PSME3IP1: variants seen among roughly 807,000 people sequenced by gnomAD.
The protein encoded by PSME3IP1 is PSME3-interacting protein.
PSME3IP1 carries 13 observed loss-of-function variants against 34.1 expected under a neutral mutation model. That is an observed-to-expected ratio of 0.38 (90% CI 0.25 to 0.61). PSME3IP1 has a LOEUF of 0.61. Ranked by LOEUF, PSME3IP1 falls within the 20% of genes least tolerant of loss-of-function variation. The probability of loss-of-function intolerance (pLI) is 0.60; values close to 1 mark genes in which losing one functional copy is unlikely to be tolerated. For missense variants in PSME3IP1, 237 were observed against 301.4 expected, an observed-to-expected ratio of 0.79 and a Z score of 1.58; for synonymous variants, 93 against 114.3, an observed-to-expected ratio of 0.81 and a Z score of 1.19.
In PSME3IP1 at chr16:57,185,939, G is replaced by GAGGA. The variant is rs1404433190; in HGVS notation, c.-138_-135dup. On this transcript the variant is annotated 5_prime_UTR_variant, in exon 1 of 7. Coordinates refer to ENST00000309137, the MANE Select transcript of PSME3IP1 (RefSeq NM_024946.4). The stretch of plus-strand genomic sequence containing the variant: ...AATGAAAGGAAGAAAGAAAGAAACA[G>GAGGA]AGGAAGGAATGAATGAAAGAAAGAA... 1.8e-5 allele frequency: 18 copies of GAGGA among 983,546 alleles called. No individual in the cohort carries two copies. Among genetic ancestry groups the GAGGA allele is most frequent in the African/African-American group, 3.5e-5 (2 of 56,844 alleles). The allele number at this position is 983,546 out of a possible 1,614,324, so 60.9% of individuals were successfully genotyped here. A position where few individuals can be genotyped will look rare whatever the true frequency, so the allele number is the denominator to read the frequency against.
chr16:57,169,524 A>G (rs1264916186), intron 4 of PSME3IP1, among the ~76,000 whole-genome samples: 2 of 152,154 alleles, frequency 1.3e-5, no homozygotes, highest in Non-Finnish European at 2.9e-5. Flanking sequence ...CAGTTTTTCT[A>G]GACAGAACTT....
At chr16:57,165,062 G>T (rs1478295204) in intron 5 of PSME3IP1, among the ~76,000 whole-genome samples, 1 of 148,252 alleles carries the variant, frequency 6.7e-6, no homozygotes, top group Non-Finnish European at 1.5e-5. Context: ...AAAAGAAAAA[G>T]AAAAGAGAAT....
intron 4 of PSME3IP1, among the ~76,000 whole-genome samples, chr16:57,168,986 T>C (rs1419967778): frequency 6.6e-6 from 1 of 151,804 alleles, no homozygotes; most frequent in Non-Finnish European, 1.5e-5. Flanking sequence ...AAAGCATGTA[T>C]ATATTTATAC....
At chr16:57,163,861 A>T in intron 6 of PSME3IP1, 140 bp downstream of exon 6, 1 of 831,834 alleles carries the variant, frequency 1.2e-6, no homozygotes, top group East Asian at 2.5e-5. Context: ...TGCCTGGCAT[A>T]AAAAAGTTGG....
intron 1 of PSME3IP1, among the ~76,000 whole-genome samples, chr16:57,176,288 T>C (rs2073164858): frequency 6.6e-6 from 1 of 152,238 alleles, no homozygotes; most frequent in Admixed American, 6.5e-5. Context: ...CCGTGTCTCC[T>C]TTCTCATCCT....
At chr16:57,156,999 C>T (rs771935588) in intron 6 of PSME3IP1, among the ~76,000 whole-genome samples, 36 of 152,182 alleles carry the variant, frequency 2.4e-4, no homozygotes, top group Non-Finnish European at 3.5e-4. Context: ...TAATGGACTA[C>T]TATTCAACCA....
chr16:57,172,180 G>T, intron 4 of PSME3IP1, 71 bp downstream of exon 4: 11 of 1,538,862 alleles, frequency 7.1e-6, no homozygotes, highest in Non-Finnish European at 8.9e-6. Flanking sequence ...CTGTTGATGA[G>T]GAGACAACAT....
At chr16:57,183,959 G>A (rs1243714502) in intron 1 of PSME3IP1, among the ~76,000 whole-genome samples, 2 of 152,238 alleles carry the variant, frequency 1.3e-5, no homozygotes, top group East Asian at 1.9e-4. Context: ...CCCCCAAAGG[G>A]AATTCAGACA....
intron 1 of PSME3IP1, 163 bp downstream of exon 1, chr16:57,185,658 C>A: frequency 1.0e-6 from 1 of 985,578 alleles, no homozygotes; most frequent in South Asian, 4.7e-5. Context: ...TCCCCTCAGG[C>A]TGGGCCCGCA....
At position 57,154,295 on chromosome 16, in the gene PSME3IP1, G is replaced by C. The variant is rs755824856; in HGVS notation, c.760C>G (p.Pro254Ala). Residue 254 changes from proline to alanine, a missense_variant, in exon 7 of 7, where the codon CCC becomes GCC. By Grantham distance (27) the Pro-to-Ala change is conservative. Coordinates refer to ENST00000309137, the MANE Select transcript of PSME3IP1 (RefSeq NM_024946.4). The surrounding 1 kb of genome is among the most constrained non-coding windows in gnomAD (Gnocchi z 4.0). ...IFRTNTFLEA[P>A] The stretch of plus-strand genomic sequence containing the variant: ...CCTGTGTAGGGACGGAGAAACTAGG[G>C]GGCCTCGAGGAAGGTGTTGGTTCGG... The C allele has an allele frequency of 6.2e-7, 1 of 1,613,868 alleles. No individual in the cohort carries two copies. Among genetic ancestry groups the C allele is most frequent in the Non-Finnish European group, 8.5e-7 (1 of 1,179,972 alleles).
chr16:57,182,446 C>CAA (rs11379337), intron 1 of PSME3IP1, among the ~76,000 whole-genome samples: 7 of 132,070 alleles, frequency 5.3e-5, no homozygotes, highest in East Asian at 2.3e-4. Flanking sequence ...CAAAATAAAA[C>CAA]AAAAAAACGC....
In PSME3IP1 at chr16:57,154,724, G is replaced by T. The variant is rs1304331720; in HGVS notation, c.548-217C>A. Reference sequence around the variant, plus strand: ...GTGAAAGGACTTCTGAAAGTAAAGGGGCAGAGCTGAGACTTGAATCAAGGT... The same window carrying T: ...GTGAAAGGACTTCTGAAAGTAAAGGTGCAGAGCTGAGACTTGAATCAAGGT... On this transcript the variant is annotated intron_variant, in intron 6 of 6. Coordinates refer to ENST00000309137, the MANE Select transcript of PSME3IP1 (RefSeq NM_024946.4). The surrounding 1 kb of genome is among the most constrained non-coding windows in gnomAD (Gnocchi z 4.0). Among the ~76,000 whole-genome samples the T allele has an allele frequency of 6.6e-6, 1 of 152,134 alleles. No individual in the cohort carries two copies. Among genetic ancestry groups the T allele is most frequent in the Non-Finnish European group, 1.5e-5 (1 of 68,032 alleles).
At chr16:57,180,312 A>G (rs2073577765) in intron 1 of PSME3IP1, among the ~76,000 whole-genome samples, 1 of 152,238 alleles carries the variant, frequency 6.6e-6, no homozygotes, top group Non-Finnish European at 1.5e-5. Context: ...AAATTCAGCC[A>G]GGCATGGTGG....
intron 1 of PSME3IP1, among the ~76,000 whole-genome samples, chr16:57,179,216 A>G (rs1056696278): frequency 1.3e-5 from 2 of 152,230 alleles, no homozygotes; most frequent in Admixed American, 1.3e-4. Flanking sequence ...ACTAAACATT[A>G]CATTATTTTT....
At chr16:57,181,845 G>A (rs1438703038) in intron 1 of PSME3IP1, 1 of 152,222 alleles carries the variant, frequency 6.6e-6, no homozygotes, top group Admixed American at 6.5e-5. Flanking sequence ...ATGTGGGAAG[G>A]GCACAGAGCT....
intron 5 of PSME3IP1, among the ~76,000 whole-genome samples, chr16:57,166,651 A>C (rs904243447): frequency 3.3e-5 from 5 of 152,150 alleles, no homozygotes; most frequent in Admixed American, 6.5e-5. Context: ...TCCTTTCACA[A>C]GACTCACTAC....
In PSME3IP1 at chr16:57,166,968, TG is replaced by T. The variant is rs1436232407; in HGVS notation, c.482+124del. On this transcript the variant is annotated intron_variant, in intron 5 of 6. Transcript: ENST00000309137. ...TCAAATCTGGAAAGGGAGAGATAGG[TG>T]AGCACACCAAGGGAACTTCACCAGG... The T allele has an allele frequency of 1.7e-5, 18 of 1,051,440 alleles. No individual in the cohort carries two copies. The East Asian group carries it at 4.3e-4, about 25-fold the overall frequency. 65.1% of individuals were successfully genotyped at this position (1,051,440 alleles called of 1,614,324 possible). A position where few individuals can be genotyped will look rare whatever the true frequency, so the allele number is the denominator to read the frequency against.
chr16:57,167,819 T>C (rs547126347), intron 4 of PSME3IP1, among the ~76,000 whole-genome samples: 119 of 152,314 alleles, frequency 7.8e-4, no homozygotes, highest in Admixed American at 3.1e-3. Flanking sequence ...GAAGGTGATT[T>C]TACACTTGAT....
At chr16:57,160,296 C>CAAAAAAAAAAAAAAAGAAAAA (rs1265182068) in intron 6 of PSME3IP1, among the ~76,000 whole-genome samples, 1 of 79,130 alleles carries the variant, frequency 1.3e-5, no homozygotes, top group Admixed American at 1.4e-4. Context: ...GACTCCGTCT[C>CAAAAAAAAAAAAAAAGAAAAA]AAAAAAAAAA....
Sources: gnomAD v4.1 joint callset for allele counts (sites outside exome capture counted in the v4.1 genomes callset) on GRCh38, gnomAD v4.1.1 for gene constraint, Gnocchi (gnomAD v3.1) non-coding constraint, MANE v1.5 for transcripts, NCBI Gene and HGNC (gene_info 2026-07-23, HGNC 2026-07-21) for gene names.